RCAN2: variants seen among roughly 807,000 people sequenced by gnomAD.
RCAN2 encodes regulator of calcineurin 2, also known as calcipressin-2.
RCAN2 carries 9 observed loss-of-function variants against 23.6 expected under a neutral mutation model. The ratio of observed to expected loss-of-function variants is 0.38; its 90% CI spans 0.23 to 0.67. The LOEUF (loss-of-function observed/expected upper bound fraction) is 0.67. RCAN2 is among the 30% of genes least tolerant of loss of function. RCAN2 has a pLI of 0.51. For synonymous variants in RCAN2, 109 were observed against 115.7 expected, an observed-to-expected ratio of 0.94 and a Z score of 0.37; for missense variants, 273 against 302.3, an observed-to-expected ratio of 0.90 and a Z score of 0.72.
At chr6:46,436,141 C>T (rs1331378995) in intron 2 of RCAN2, among the ~76,000 whole-genome samples, 1 of 152,240 alleles carries the variant, frequency 6.6e-6, no homozygotes, top group Non-Finnish European at 1.5e-5. Flanking sequence ...TGAGACTAGA[C>T]AATGGCAGTT....
chr6:46,446,182 C>T (rs1395609753), intron 2 of RCAN2, among the ~76,000 whole-genome samples: 1 of 144,296 alleles, frequency 6.9e-6, no homozygotes. Flanking sequence ...AAAAAAGAAA[C>T]ATATCACACG....
At chr6:46,449,274 G>C (rs989597154) in intron 2 of RCAN2, among the ~76,000 whole-genome samples, 41 of 151,498 alleles carry the variant, frequency 2.7e-4, no homozygotes, top group Non-Finnish European at 5.2e-4. Context: ...AACCAAGGAA[G>C]TGAAAGACCT....
rs567205622 is a variant in RCAN2 at position 46,442,803 on chromosome 6, G to A, written c.225+13949C>T. Among the ~76,000 whole-genome samples the A allele has an allele frequency of 2.6e-5, 4 of 152,292 alleles. No individual in the cohort carries two copies. In the South Asian group the frequency reaches 8.3e-4, roughly 32 times the overall value. ...CAGGTAGTTAAGTGGGACTTTTAGA[G>A]TAGCTTGTCAGGCTCTTGGGCCCCG... On this transcript the variant is annotated intron_variant, in intron 2 of 4. Coordinates refer to ENST00000371374, the MANE Select transcript of RCAN2 (RefSeq NM_001251974.2).
At chr6:46,419,004 C>T (rs927910284) in intron 2 of RCAN2, among the ~76,000 whole-genome samples, 16 of 151,216 alleles carry the variant, frequency 1.1e-4, no homozygotes, top group Admixed American at 4.6e-4. Context: ...TGCAGTGAGC[C>T]GAGATAGCAA....
At position 46,250,913 on chromosome 6, in the gene RCAN2, G is replaced by A. The variant is rs138169824; in HGVS notation, c.226-2017C>T. Among the ~76,000 whole-genome samples, 642 of 152,200 alleles carry A rather than the reference G, an allele frequency of 4.2e-3. 6 individuals carry two copies. The highest frequency in any genetic ancestry group is 0.015 in the African/African-American group (606 of 41,526). ...AGACCTTCAAGCCCATGTTGGTGAT[G>A]ATTCCATACCCTGCTGCCCATTTCT... On this transcript the variant is annotated intron_variant, in intron 2 of 4. Coordinates refer to ENST00000371374, the MANE Select transcript of RCAN2 (RefSeq NM_001251974.2).
intron 2 of RCAN2, among the ~76,000 whole-genome samples, chr6:46,445,800 G>A (rs1267446052): frequency 1.3e-5 from 2 of 151,468 alleles, no homozygotes; most frequent in African/African-American, 4.9e-5. Context: ...GGTGTCAACA[G>A]CGAACTGGTG....
chr6:46,355,115 A>T (rs1353283220), intron 2 of RCAN2, among the ~76,000 whole-genome samples: 1 of 152,212 alleles, frequency 6.6e-6, no homozygotes, highest in East Asian at 1.9e-4. Context: ...TGACTGGTAG[A>T]ACTGGCATGG....
intron 2 of RCAN2, among the ~76,000 whole-genome samples, chr6:46,263,074 C>A (rs1361418318): frequency 2.0e-5 from 3 of 152,178 alleles, no homozygotes; most frequent in Non-Finnish European, 4.4e-5. Context: ...GTGTTTTGCT[C>A]ACATATTCAC....
chr6:46,474,068 T>C (rs1318842153), intron 1 of RCAN2, among the ~76,000 whole-genome samples: 1 of 151,934 alleles, frequency 6.6e-6, no homozygotes, highest in Non-Finnish European at 1.5e-5. Flanking sequence ...GAGGTGGACA[T>C]CAGAAGAAGA....
intron 2 of RCAN2, 129 bp from the exon 3 acceptor site, chr6:46,249,025 T>C: frequency 1.7e-6 from 1 of 602,180 alleles, no homozygotes; most frequent in East Asian, 3.1e-5. Context: ...AGAACACCAG[T>C]AATGTATTTT....
intron 2 of RCAN2, among the ~76,000 whole-genome samples, chr6:46,393,977 C>A (rs1384027945): frequency 6.6e-6 from 1 of 152,112 alleles, no homozygotes; most frequent in African/African-American, 2.4e-5. Context: ...AGATTGTGTC[C>A]AAATGCTGTG....
At chr6:46,392,851 A>G (rs553124483) in intron 2 of RCAN2, among the ~76,000 whole-genome samples, 2 of 152,316 alleles carry the variant, frequency 1.3e-5, no homozygotes, top group South Asian at 4.1e-4. Flanking sequence ...AACTAGATCA[A>G]TGGTTAAAGA....
intron 2 of RCAN2, among the ~76,000 whole-genome samples, chr6:46,267,451 T>A (rs2150330866): frequency 6.6e-6 from 1 of 152,124 alleles, no homozygotes; most frequent in Non-Finnish European, 1.5e-5. Flanking sequence ...GAGGCCAAGG[T>A]GAGAAGATCA....
At chr6:46,328,917 G>GT (rs759300451) in intron 2 of RCAN2, among the ~76,000 whole-genome samples, 3 of 152,088 alleles carry the variant, frequency 2.0e-5, no homozygotes, top group East Asian at 1.9e-4. Flanking sequence ...CCGAGAATGT[G>GT]TTTTTTTATA....
At chr6:46,359,272 A>G (rs1764927495) in intron 2 of RCAN2, among the ~76,000 whole-genome samples, 1 of 152,232 alleles carries the variant, frequency 6.6e-6, no homozygotes, top group African/African-American at 2.4e-5. Context: ...GAAAAATCAC[A>G]TGGAGAAAAA....
At chr6:46,415,697 T>G (rs1766693177) in intron 2 of RCAN2, among the ~76,000 whole-genome samples, 2 of 151,994 alleles carry the variant, frequency 1.3e-5, no homozygotes, top group Admixed American at 1.3e-4. Context: ...CCCAATGACT[T>G]TTAAAAAAAA....
chr6:46,235,936 T>C (rs1766079643), intron 4 of RCAN2, among the ~76,000 whole-genome samples: 1 of 152,204 alleles, frequency 6.6e-6, no homozygotes, highest in African/African-American at 2.4e-5. Context: ...GAAAGTTATA[T>C]AACATTTCTG....
At chr6:46,433,098 C>T (rs1254509830) in intron 2 of RCAN2, among the ~76,000 whole-genome samples, 1 of 152,062 alleles carries the variant, frequency 6.6e-6, no homozygotes, top group Non-Finnish European at 1.5e-5. Flanking sequence ...ATTATGTTAA[C>T]AACAATAATA....
At chr6:46,242,994 G>T (rs1165347712) in intron 4 of RCAN2, among the ~76,000 whole-genome samples, 1 of 152,194 alleles carries the variant, frequency 6.6e-6, no homozygotes, top group Admixed American at 6.5e-5. Flanking sequence ...AAGAAGTGAA[G>T]ATAGTAAGTT....
Sources: allele counts gnomAD v4.1 joint callset (sites outside exome capture counted in the v4.1 genomes callset), GRCh38; gene constraint gnomAD v4.1.1; transcripts MANE v1.5; gene names NCBI Gene and HGNC (gene_info 2026-07-23, HGNC 2026-07-21).